RALGAPB: variants seen among roughly 807,000 people sequenced by gnomAD.
RALGAPB encodes Ral GTPase activating protein non-catalytic subunit beta.
A neutral mutation model predicts 161.1 loss-of-function variants in RALGAPB; 25 were observed. The observed-to-expected ratio is 0.16, with a 90% CI of 0.11 to 0.22. The LOEUF is 0.22. Among genes scored for constraint, RALGAPB ranks in the 10% least tolerant of loss-of-function variants. RALGAPB has a pLI of 1.00. For missense variants in RALGAPB, 1,391 were observed against 1,815.2 expected, an observed-to-expected ratio of 0.77 and a Z score of 4.25; for synonymous variants, 629 against 626.1, an observed-to-expected ratio of 1.00 and a Z score of -0.07.
At chr20:38,550,048 A>G (rs2087319097) in intron 20 of RALGAPB, among the ~76,000 whole-genome samples, 1 of 152,218 alleles carries the variant, frequency 6.6e-6, no homozygotes, top group South Asian at 2.1e-4. Context: ...GCAAGAACAA[A>G]AAACCAAACA....
intron 3 of RALGAPB, among the ~76,000 whole-genome samples, chr20:38,494,348 G>A (rs1167932240): frequency 6.6e-6 from 1 of 152,182 alleles, no homozygotes; most frequent in Non-Finnish European, 1.5e-5. Context: ...AACAGGAAAT[G>A]GGCCGGGTGC....
At chr20:38,485,467 A>T (rs1003819868) in intron 1 of RALGAPB, among the ~76,000 whole-genome samples, 1 of 151,688 alleles carries the variant, frequency 6.6e-6, no homozygotes, top group Non-Finnish European at 1.5e-5. Context: ...TGCTCTTGTC[A>T]CCCAGGCTGG....
intron 1 of RALGAPB, 88 bp from the exon 2 acceptor site, chr20:38,488,315 C>A: frequency 1.2e-6 from 1 of 802,182 alleles, no homozygotes; most frequent in Non-Finnish European, 1.9e-6. Flanking sequence ...CATTCTTTAT[C>A]ATGCCAATAG....
intron 23 of RALGAPB, 61 bp downstream of exon 23, chr20:38,558,514 A>G: frequency 7.5e-7 from 1 of 1,340,820 alleles, no homozygotes; most frequent in Non-Finnish European, 9.9e-7. Flanking sequence ...ACGTCTAAAG[A>G]AAAAAATTGA....
chr20:38,528,762 C>T (rs1221878357), intron 13 of RALGAPB, among the ~76,000 whole-genome samples: 1 of 151,926 alleles, frequency 6.6e-6, no homozygotes, highest in Non-Finnish European at 1.5e-5. Flanking sequence ...CTTATTGCAA[C>T]CTCTGCCTCC....
chr20:38,527,584 TGTG>T (rs2086511115), intron 13 of RALGAPB, among the ~76,000 whole-genome samples: 2 of 152,208 alleles, frequency 1.3e-5, no homozygotes, highest in East Asian at 3.8e-4. Flanking sequence ...CTGAAGTTAA[TGTG>T]GTCAGTCTGA....
intron 7 of RALGAPB, 34 bp downstream of exon 7, chr20:38,516,404 A>G: frequency 6.4e-7 from 1 of 1,573,012 alleles, no homozygotes; most frequent in Non-Finnish European, 8.7e-7. Flanking sequence ...ATGTATGAAG[A>G]GCTTCATTTA....
chr20:38,477,447 G>A (rs1265194384), intron 1 of RALGAPB, among the ~76,000 whole-genome samples: 2 of 152,118 alleles, frequency 1.3e-5, no homozygotes, highest in South Asian at 2.1e-4. Flanking sequence ...GGCAGAACCT[G>A]TCTTTGTTTC....
At chr20:38,551,900 A>G (rs562198623) in intron 21 of RALGAPB, among the ~76,000 whole-genome samples, 28 of 152,314 alleles carry the variant, frequency 1.8e-4, no homozygotes, top group South Asian at 4.1e-4. Context: ...ACACTCTCCA[A>G]TGCTGGAGAG....
At chr20:38,527,980 A>G (rs1378547522) in intron 13 of RALGAPB, among the ~76,000 whole-genome samples, 3 of 152,192 alleles carry the variant, frequency 2.0e-5, no homozygotes, top group Non-Finnish European at 1.5e-5. Context: ...TTCCAGGACA[A>G]TGGTTTCCTT....
At position 38,517,563 on chromosome 20, in the gene RALGAPB, T is replaced by G; in HGVS notation, c.1109T>G (p.Met370Arg). The G allele has an allele frequency of 6.2e-7, 1 of 1,613,836 alleles. No individual in the cohort carries two copies. Among genetic ancestry groups the G allele is most frequent in the Non-Finnish European group, 8.5e-7 (1 of 1,179,870 alleles). ...CCAACACCCGTGAATAGATTAAGTATGCCTCAAAGTGCTGCTGTCAGTACC... is the reference window on the plus strand; with the variant it reads ...CCAACACCCGTGAATAGATTAAGTAGGCCTCAAAGTGCTGCTGTCAGTACC... ...APPTPVNRLS[M>R]PQSAAVSTTP... The change falls in exon 8 of 30, where the codon ATG becomes AGG. Residue 370 changes from methionine (M) to arginine (R), a missense_variant. Met to Arg is a moderately conservative substitution (Grantham distance 91, BLOSUM62 -1). Transcript: ENST00000262879.
intron 6 of RALGAPB, among the ~76,000 whole-genome samples, chr20:38,512,472 C>T (rs1402098946): frequency 2.0e-5 from 3 of 152,194 alleles, no homozygotes; most frequent in Non-Finnish European, 2.9e-5. Context: ...AGTACCATCT[C>T]GTTATAAGTA....
chr20:38,516,395 T>C, intron 7 of RALGAPB, 25 bp downstream of exon 7: 1 of 1,596,534 alleles, frequency 6.3e-7, no homozygotes. Flanking sequence ...TGTTGCTAGA[T>C]GTATGAAGAG....
chr20:38,512,295 C>G (rs148899433), intron 6 of RALGAPB, among the ~76,000 whole-genome samples: 135 of 152,340 alleles, frequency 8.9e-4, no homozygotes, highest in African/African-American at 2.9e-3. Flanking sequence ...TAAGAAGTGT[C>G]TCTTTTCTAA....
chr20:38,567,351 T>C, intron 26 of RALGAPB, 119 bp downstream of exon 26: 1 of 1,295,080 alleles, frequency 7.7e-7, no homozygotes, highest in Non-Finnish European at 1.0e-6. Context: ...GATTCCTTAG[T>C]AACTTAATTT....
Position 38,565,352 on chromosome 20 carries a change from C to T in RALGAPB, c.3698-7C>T. ...AGCGGTAATGTAGTGTTTCTTTTTCCCAGAAGAAGTGATTTCCTCTGAAGA... is the reference window on the plus strand; with the variant it reads ...AGCGGTAATGTAGTGTTTCTTTTTCTCAGAAGAAGTGATTTCCTCTGAAGA... On this transcript the variant is annotated splice_polypyrimidine_tract_variant and splice_region_variant and intron_variant, in intron 24 of 29. Transcript: ENST00000262879. 1 of 1,611,166 alleles carries T rather than the reference C, an allele frequency of 6.2e-7. No homozygotes were observed. Among genetic ancestry groups the T allele is most frequent in the Non-Finnish European group, 8.5e-7 (1 of 1,178,636 alleles).
chr20:38,480,742 C>G (rs1233311205), intron 1 of RALGAPB, among the ~76,000 whole-genome samples: 6 of 90,644 alleles, frequency 6.6e-5, no homozygotes, highest in East Asian at 3.4e-4. Flanking sequence ...CCCGCCCCCC[C>G]CTTTTTTTTT....
At chr20:38,509,874 T>A (rs1292478434) in intron 6 of RALGAPB, among the ~76,000 whole-genome samples, 1 of 152,246 alleles carries the variant, frequency 6.6e-6, no homozygotes, top group African/African-American at 2.4e-5. Flanking sequence ...TGAATTACTC[T>A]TTATGACCTT....
At chr20:38,499,128 C>A (rs537573841) in intron 4 of RALGAPB, among the ~76,000 whole-genome samples, 6 of 152,308 alleles carry the variant, frequency 3.9e-5, no homozygotes, top group Admixed American at 3.9e-4. Flanking sequence ...TCATAGTAGT[C>A]AGTCATCATA....
Sources: allele counts gnomAD v4.1 joint callset (sites outside exome capture counted in the v4.1 genomes callset), GRCh38; gene constraint gnomAD v4.1.1; transcripts MANE v1.5; gene names NCBI Gene and HGNC (gene_info 2026-07-23, HGNC 2026-07-21).